ATRX: variants seen among roughly 807,000 people sequenced by gnomAD.
ATRX encodes the protein ATRX chromatin remodeler, also known as chromatin remodeler ATRX.
Under a neutral mutation model 172.6 loss-of-function variants are expected in ATRX, and 12 were observed. The ratio of observed to expected loss-of-function variants is 0.07; its 90% CI spans 0.04 to 0.11. ATRX has a LOEUF of 0.11. Among genes scored for constraint, ATRX ranks in the 10% least tolerant of loss-of-function variants. The pLI, the probability that ATRX is intolerant of heterozygous loss-of-function variation, is 1.00. For missense variants in ATRX, 1,368 were observed against 1,767.4 expected (o/e 0.77, Z 4.05); for synonymous variants, 674 against 594.7 (o/e 1.13, Z -1.94).
At chrX:77,692,988 G>C (rs1444641632) in intron 6 of ATRX, among the ~76,000 whole-genome samples, 1 of 110,005 alleles carries the variant, frequency 9.1e-6, no homozygotes, top group Non-Finnish European at 1.9e-5. Context: ...CTGGGCTCAA[G>C]TGATCCTCCC....
At chrX:77,714,344 G>A (rs1168003703) in intron 2 of ATRX, among the ~76,000 whole-genome samples, 5 of 111,433 alleles carry the variant, frequency 4.5e-5, no homozygotes, top group Admixed American at 9.6e-5. Flanking sequence ...AAGGCCCACC[G>A]GACTCCGAAC....
At chrX:77,750,861 A>T (rs956407402) in intron 1 of ATRX, among the ~76,000 whole-genome samples, 1 of 111,648 alleles carries the variant, frequency 9.0e-6, no homozygotes, top group Non-Finnish European at 1.9e-5. Context: ...ACACGAACTC[A>T]ATCTTTTTTA....
At chrX:77,688,032 G>A (rs1279916875) in intron 7 of ATRX, among the ~76,000 whole-genome samples, 6 of 111,183 alleles carry the variant, frequency 5.4e-5, no homozygotes, top group Non-Finnish European at 1.1e-4. Flanking sequence ...CCACCTCCCG[G>A]GTTCAAGCGA....
chrX:77,659,017 A>G (rs1335275351), intron 12 of ATRX, among the ~76,000 whole-genome samples: 1 of 112,017 alleles, frequency 8.9e-6, no homozygotes, highest in Non-Finnish European at 1.9e-5. Context: ...AAATGCTATA[A>G]ATGGGAGAAC....
intron 27 of ATRX, among the ~76,000 whole-genome samples, chrX:77,582,294 G>A (rs1463814527): frequency 5.5e-5 from 6 of 109,505 alleles, no homozygotes; most frequent in Middle Eastern, 4.7e-3. Flanking sequence ...CAGCTACTCA[G>A]GAGGCTGAGG....
At chrX:77,558,952 T>G (rs201586778) in intron 28 of ATRX, 106 bp from the exon 29 acceptor site, 2 of 607,555 alleles carry the variant, frequency 3.3e-6, no homozygotes, top group Non-Finnish European at 2.6e-6. Flanking sequence ...CTATCAAGAG[T>G]TCAGAGAATT....
intron 6 of ATRX, among the ~76,000 whole-genome samples, chrX:77,692,905 G>T (rs1168357570): frequency 1.0e-5 from 1 of 100,333 alleles, no homozygotes; most frequent in Non-Finnish European, 2.0e-5. Context: ...TAATTTTTTT[G>T]AGACAGGGTC....
intron 18 of ATRX, 63 bp from the exon 19 acceptor site, chrX:77,633,447 C>CACTGAAATATGCACTGAAAAA: frequency 1.8e-6 from 2 of 1,135,902 alleles, no homozygotes; most frequent in Non-Finnish European, 2.4e-6. Flanking sequence ...ATTAAATATT[C>CACTGAAATATGCACTGAAAAA]CCACTGAAAT....
chrX:77,508,711 T>A lies in ATRX; in HGVS notation c.7201-82A>T. ...CAAGTTTTGACTTAAAATCAATTTG[T>A]TAAGGGGGTACCATACCAAAAGGAA... On this transcript the variant is annotated intron_variant, in intron 34 of 34. Transcript: ENST00000373344. 3 of 1,049,793 alleles carry A rather than the reference T, an allele frequency of 2.9e-6. No individual in the cohort carries two copies. The South Asian group carries it at 5.6e-5, about 20-fold the overall frequency. 86.5% of individuals were successfully genotyped at this position (1,049,793 alleles called of 1,213,427 possible).
intron 1 of ATRX, among the ~76,000 whole-genome samples, chrX:77,749,302 T>A (rs1300296139): frequency 9.0e-6 from 1 of 111,174 alleles, no homozygotes; most frequent in African/African-American, 3.3e-5. Context: ...TGTGGCTGAA[T>A]AGTATTATTC....
At chrX:77,652,677 T>C (rs1441097717) in intron 14 of ATRX, among the ~76,000 whole-genome samples, 2 of 106,232 alleles carry the variant, frequency 1.9e-5, no homozygotes, top group Non-Finnish European at 3.9e-5. Context: ...CATGGCAGTG[T>C]GCGCCTGTAG....
At position 77,680,645 on chromosome X, in the gene ATRX, A is replaced by T. The variant is rs184958686; in HGVS notation, c.3736+875T>A. On this transcript the variant is annotated intron_variant, in intron 9 of 34. Coordinates refer to ENST00000373344, the MANE Select transcript of ATRX (RefSeq NM_000489.6). The stretch of plus-strand genomic sequence containing the variant: ...ATAAGAACTGGAAGGAAAAATTTTT[A>T]AATTCTACCTATGTTGGAAATACAA... Among the ~76,000 whole-genome samples the T allele has an allele frequency of 2.7e-5, 3 of 111,769 alleles. No homozygotes were observed. The East Asian group carries it at 8.4e-4, about 31-fold the overall frequency.
At chrX:77,752,683 T>C (rs1194383953) in intron 1 of ATRX, among the ~76,000 whole-genome samples, 2 of 112,076 alleles carry the variant, frequency 1.8e-5, no homozygotes, top group Non-Finnish European at 3.8e-5. Flanking sequence ...TGAAGGGGTG[T>C]TGAATTTTAT....
At chrX:77,621,200 C>T (rs2067565470) in intron 19 of ATRX, among the ~76,000 whole-genome samples, 1 of 112,230 alleles carries the variant, frequency 8.9e-6, no homozygotes, top group Non-Finnish European at 1.9e-5. Context: ...CATTTTATTA[C>T]TATGGAATGC....
At chrX:77,516,090 A>T (rs1245886497) in intron 34 of ATRX, among the ~76,000 whole-genome samples, 4 of 111,675 alleles carry the variant, frequency 3.6e-5, no homozygotes, top group Admixed American at 9.5e-5. Context: ...GGAGGCTGAG[A>T]GGAGGGAGAT....
chrX:77,511,709 C>T (rs782468882), intron 34 of ATRX, among the ~76,000 whole-genome samples: 1 of 111,415 alleles, frequency 9.0e-6, no homozygotes, highest in African/African-American at 3.3e-5. Flanking sequence ...AATAGCAGAA[C>T]CGATCAAGGA....
chrX:77,509,439 G>T (rs979627439), intron 34 of ATRX, among the ~76,000 whole-genome samples: 4 of 111,885 alleles, frequency 3.6e-5, no homozygotes, highest in Admixed American at 9.5e-5. Flanking sequence ...AAAACTATCT[G>T]CAATAAAATC....
In ATRX at chrX:77,602,980, G is replaced by C. The variant is rs1602750695; in HGVS notation, c.5567-2416C>G. Among the ~76,000 whole-genome samples the C allele has an allele frequency of 3.6e-5, 4 of 110,362 alleles. No individual in the cohort carries two copies. In the South Asian group the frequency reaches 1.5e-3, roughly 42 times the overall value. Reference sequence around the variant, plus strand: ...AAAGTTGTTTTTTTGAAAAAAATAAGCCAAGCCAACAAACCCTTAGCCTAT... The same window carrying C: ...AAAGTTGTTTTTTTGAAAAAAATAACCCAAGCCAACAAACCCTTAGCCTAT... On this transcript the variant is annotated intron_variant, in intron 22 of 34. Transcript: ENST00000373344.
chrX:77,678,885 T>C (rs1557135355), intron 9 of ATRX, among the ~76,000 whole-genome samples: 1 of 111,020 alleles, frequency 9.0e-6, no homozygotes, highest in African/African-American at 3.3e-5. Context: ...ATTCATGCCA[T>C]TACCAAGCCC....
Sources: allele counts gnomAD v4.1 joint callset (sites outside exome capture counted in the v4.1 genomes callset), GRCh38; gene constraint gnomAD v4.1.1; transcripts MANE v1.5; gene names NCBI Gene and HGNC (gene_info 2026-07-23, HGNC 2026-07-21).